The following COL24A1 variants were observed in gnomAD, a reference collection of about 807,000 sequenced individuals.
COL24A1 encodes collagen alpha-1(XXIV) chain.
In COL24A1, 224 loss-of-function variants were observed where a neutral mutation model predicts 253.9. The ratio of observed to expected loss-of-function variants is 0.88; its 90% CI spans 0.79 to 0.99. The LOEUF (loss-of-function observed/expected upper bound fraction) is 0.99, where lower values mean the gene tolerates loss of function less well. Among genes scored for constraint, COL24A1 ranks in the 50% least tolerant of loss-of-function variants. The probability of loss-of-function intolerance (pLI) is 0.00; values close to 1 mark genes in which losing one functional copy is unlikely to be tolerated. For missense variants in COL24A1, 2,131 were observed against 2,068.5 expected, an observed-to-expected ratio of 1.03 and a Z score of -0.59; for synonymous variants, 685 against 673.7, an observed-to-expected ratio of 1.02 and a Z score of -0.26.
intron 24 of COL24A1, among the ~76,000 whole-genome samples, chr1:85,957,304 C>G (rs957633700): frequency 6.6e-6 from 1 of 152,002 alleles, no homozygotes; most frequent in Non-Finnish European, 1.5e-5. Flanking sequence ...ACATGTATAC[C>G]TATGTAACAA....
At chr1:85,821,330 C>CTTCTTCA (rs1378946513) in intron 45 of COL24A1, among the ~76,000 whole-genome samples, 29 of 152,170 alleles carry the variant, frequency 1.9e-4, no homozygotes, top group African/African-American at 6.0e-4. Context: ...AAGTAATAGG[C>CTTCTTCA]TTCTTCATAA....
intron 2 of COL24A1, among the ~76,000 whole-genome samples, chr1:86,140,919 T>C (rs1225972797): frequency 6.6e-6 from 1 of 152,228 alleles, no homozygotes; most frequent in Non-Finnish European, 1.5e-5. Flanking sequence ...TTTACATCTA[T>C]TAATAAGGTA....
chr1:86,121,549 A>G (rs936345925), intron 3 of COL24A1, among the ~76,000 whole-genome samples: 1 of 152,122 alleles, frequency 6.6e-6, no homozygotes, highest in Non-Finnish European at 1.5e-5. Context: ...TTTAAAAAAT[A>G]TGAAAGAGCA....
intron 5 of COL24A1, among the ~76,000 whole-genome samples, chr1:86,092,636 C>T (rs1703591015): frequency 6.6e-6 from 1 of 151,710 alleles, no homozygotes; most frequent in Non-Finnish European, 1.5e-5. Flanking sequence ...ATTTTTGTGA[C>T]ATATTGAGTT....
intron 55 of COL24A1, among the ~76,000 whole-genome samples, chr1:85,760,056 T>C (rs1666680685): frequency 7.3e-5 from 1 of 13,766 alleles, no homozygotes; most frequent in Admixed American, 5.1e-4. Flanking sequence ...GAGAAAGACA[T>C]TGTTTTTTTT....
chr1:86,114,850 G>A (rs1307946526), intron 4 of COL24A1, among the ~76,000 whole-genome samples: 1 of 152,100 alleles, frequency 6.6e-6, no homozygotes, highest in Non-Finnish European at 1.5e-5. Flanking sequence ...TAAGTCTTTT[G>A]TTGGGCCTGT....
chr1:86,126,252 T>G (rs764447080), intron 2 of COL24A1, 38 bp from the exon 3 acceptor site: 7 of 1,517,922 alleles, frequency 4.6e-6, no homozygotes, highest in Middle Eastern at 3.5e-4. Flanking sequence ...AGAATCTTAA[T>G]TTTATGGATT....
intron 48 of COL24A1, 32 bp downstream of exon 48, chr1:85,786,322 T>C (rs1390699955): frequency 6.3e-7 from 1 of 1,589,998 alleles, no homozygotes; most frequent in African/African-American, 1.3e-5. Flanking sequence ...TGGCCAATAC[T>C]GCTTACCCAT....
chr1:85,763,494 T>TTC (rs1553168607), intron 53 of COL24A1, among the ~76,000 whole-genome samples: 7 of 142,688 alleles, frequency 4.9e-5, no homozygotes, highest in African/African-American at 1.8e-4. Context: ...TTTACTTTCT[T>TTC]TTTTTTTTTT....
chr1:85,820,620 A>G (rs753018857), intron 45 of COL24A1, among the ~76,000 whole-genome samples: 6 of 152,196 alleles, frequency 3.9e-5, no homozygotes, highest in Non-Finnish European at 4.4e-5. Context: ...TGCCTTCCCT[A>G]CCATCTGTAA....
chr1:85,733,480 C>T (rs1489552525), intron 59 of COL24A1, among the ~76,000 whole-genome samples: 1 of 152,136 alleles, frequency 6.6e-6, no homozygotes, highest in African/African-American at 2.4e-5. Context: ...TTCACAAAAA[C>T]ATGGAGTGGG....
chr1:86,123,929 A>C (rs1382387228), intron 3 of COL24A1, among the ~76,000 whole-genome samples: 1 of 151,954 alleles, frequency 6.6e-6, no homozygotes, highest in East Asian at 1.9e-4. Context: ...CAAAGACTCA[A>C]ATTTTATTTT....
At chr1:85,938,974 C>G (rs1688484553) in intron 24 of COL24A1, among the ~76,000 whole-genome samples, 1 of 152,142 alleles carries the variant, frequency 6.6e-6, no homozygotes, top group African/African-American at 2.4e-5. Context: ...TTCCCTGACT[C>G]TTTCTACAAC....
At chr1:85,782,356 G>A (rs943870416) in intron 51 of COL24A1, among the ~76,000 whole-genome samples, 1 of 152,206 alleles carries the variant, frequency 6.6e-6, no homozygotes, top group African/African-American at 2.4e-5. Flanking sequence ...CCAAAGTGCT[G>A]GGATTACAGG....
intron 7 of COL24A1, among the ~76,000 whole-genome samples, chr1:86,068,858 T>C (rs926938056): frequency 1.1e-4 from 17 of 152,092 alleles, no homozygotes; most frequent in African/African-American, 4.1e-4. Context: ...ATAACATTTC[T>C]AGATGCACTC....
chr1:85,898,600 A>G (rs1282735220), intron 28 of COL24A1, among the ~76,000 whole-genome samples: 2 of 152,238 alleles, frequency 1.3e-5, no homozygotes, highest in Non-Finnish European at 1.5e-5. Context: ...GTTGAGGAGC[A>G]TGGACTTAAT....
intron 2 of COL24A1, among the ~76,000 whole-genome samples, chr1:86,135,111 C>T (rs891524444): frequency 1.3e-5 from 2 of 151,746 alleles, no homozygotes; most frequent in African/African-American, 4.8e-5. Flanking sequence ...TAATGGCCTT[C>T]TTTGTCTCTT....
At position 85,896,501 on chromosome 1, in the gene COL24A1, A is replaced by ATT. The variant is rs35593147; in HGVS notation, c.2779-94_2779-93dup. 4,725 of 902,592 alleles carry ATT rather than the reference A, an allele frequency of 5.2e-3. 4 individuals are homozygous for ATT. The highest frequency in any genetic ancestry group is 0.012 in the African/African-American group (676 of 57,600). 55.9% of individuals were successfully genotyped at this position (902,592 alleles called of 1,614,324 possible). A position where few individuals can be genotyped will look rare whatever the true frequency, so the allele number is the denominator to read the frequency against. On this transcript the variant is annotated intron_variant, in intron 28 of 59. Coordinates refer to ENST00000370571, the MANE Select transcript of COL24A1 (RefSeq NM_152890.7). ...GTCCTCACAGATGAACATGTTGATG[A>ATT]TTTTTTTTTTTTGAGACGGAGTCTC...
At chr1:85,941,485 CA>C (rs1416966926) in intron 24 of COL24A1, among the ~76,000 whole-genome samples, 4 of 152,066 alleles carry the variant, frequency 2.6e-5, no homozygotes, top group Admixed American at 2.0e-4. Context: ...ATTCAAAAAA[CA>C]AAAAGGATGG....
Sources: allele counts gnomAD v4.1 joint callset (sites outside exome capture counted in the v4.1 genomes callset), GRCh38; gene constraint gnomAD v4.1.1; transcripts MANE v1.5; gene names NCBI Gene and HGNC (gene_info 2026-07-23, HGNC 2026-07-21).